Variants in CD99L2 observed in about 807,000 individuals in gnomAD.
CD99L2 encodes the protein CD99 antigen-like protein 2.
In CD99L2, 24 loss-of-function variants were observed where a neutral mutation model predicts 27.3. That is an observed-to-expected ratio of 0.88 (90% confidence interval 0.64 to 1.24). The LOEUF (loss-of-function observed/expected upper bound fraction) is 1.24, where lower values mean the gene tolerates loss of function less well. CD99L2 is among the 50% of genes most tolerant of loss of function. The probability of loss-of-function intolerance (pLI) is 0.00; values close to 1 mark genes in which losing one functional copy is unlikely to be tolerated. For missense variants in CD99L2, 255 were observed against 221.6 expected (o/e 1.15, Z -0.96); for synonymous variants, 97 against 87.9 (o/e 1.10, Z -0.58).
At chrX:150,833,405 G>A (rs782501962) in intron 1 of CD99L2, among the ~76,000 whole-genome samples, 12 of 111,799 alleles carry the variant, frequency 1.1e-4, no homozygotes, top group African/African-American at 3.9e-4. Context: ...CAGATACGAT[G>A]TAATTTTTAT....
chrX:150,850,217 T>C (rs929559247), intron 1 of CD99L2, among the ~76,000 whole-genome samples: 2 of 111,748 alleles, frequency 1.8e-5, no homozygotes, highest in Non-Finnish European at 3.8e-5. Context: ...CCAAAGAAAG[T>C]CTCCTGTATG....
chrX:150,866,667 A>G (rs2047066593), intron 1 of CD99L2, among the ~76,000 whole-genome samples: 1 of 112,605 alleles, frequency 8.9e-6, no homozygotes, highest in African/African-American at 3.2e-5. Flanking sequence ...CTAGTTAACA[A>G]GAATTTATTG....
intron 1 of CD99L2, among the ~76,000 whole-genome samples, chrX:150,843,953 A>C (rs2046660917): frequency 8.9e-6 from 1 of 111,807 alleles, no homozygotes; most frequent in South Asian, 3.7e-4. Context: ...GAGACCATTA[A>C]CAAAAGCAAA....
chrX:150,865,472 TTAGA>T (rs2047046973), intron 1 of CD99L2, among the ~76,000 whole-genome samples: 1 of 111,716 alleles, frequency 9.0e-6, no homozygotes, highest in South Asian at 3.7e-4. Context: ...GACTGACAAA[TTAGA>T]TAGACTACAC....
chrX:150,867,282 C>G (rs782662434), intron 1 of CD99L2, among the ~76,000 whole-genome samples: 1 of 110,682 alleles, frequency 9.0e-6, no homozygotes, highest in Non-Finnish European at 1.9e-5. Flanking sequence ...TGGGGGGACA[C>G]GCCTGTAGTT....
intron 1 of CD99L2, among the ~76,000 whole-genome samples, chrX:150,855,981 G>A (rs2046880457): frequency 9.0e-6 from 1 of 111,593 alleles, no homozygotes; most frequent in Non-Finnish European, 1.9e-5. Flanking sequence ...CAAATTCATG[G>A]GCCTGGCACA....
At chrX:150,887,466 A>AAATAAAT (rs1433362016) in intron 1 of CD99L2, among the ~76,000 whole-genome samples, 1 of 107,023 alleles carries the variant, frequency 9.3e-6, no homozygotes, top group Non-Finnish European at 1.9e-5. Context: ...ATAAATAAAT[A>AAATAAAT]AATAAATAAA....
intron 9 of CD99L2, 152 bp from the exon 10 acceptor site, chrX:150,770,521 A>G (rs2043426612): frequency 2.2e-6 from 1 of 461,567 alleles, no homozygotes; most frequent in East Asian, 3.7e-5. Context: ...CCACCTGAAC[A>G]TCCTTATCCG....
rs1439624331 is a variant in CD99L2 at position 150,881,655 on chromosome X, G to T, written c.67+16867C>A. On this transcript the variant is annotated intron_variant, in intron 1 of 10. Transcript: ENST00000370377. ...ACCAGCCAGCCTTGCTGTATTCTGG[G>T]GTGGTGCCACATTGCAGGAGAAAGT... Among the ~76,000 whole-genome samples, 4 of 111,864 alleles carry T rather than the reference G, an allele frequency of 3.6e-5. No individual in the cohort carries two copies. The Admixed American group carries it at 3.8e-4, about 11-fold the overall frequency.
At chrX:150,819,528 C>G (rs145923057) in intron 2 of CD99L2, among the ~76,000 whole-genome samples, 6,241 of 109,849 alleles carry the variant, frequency 0.057, 149 homozygotes, top group South Asian at 0.14. Context: ...AAGATTATAG[C>G]GGAAATAAAA....
chrX:150,793,804 C>T lies in CD99L2; in HGVS notation c.431-48G>A, dbSNP rs1189025421. On this transcript the variant is annotated intron_variant, in intron 6 of 10. Transcript: ENST00000370377. ...TTCAACAACAAGAAAAAAAAATCAG[C>T]AACAAGAAACTTGTGCTAATGTTGC... 3.9e-6 allele frequency: 4 copies of T among 1,031,920 alleles called. No individual in the cohort carries two copies. The African/African-American group carries it at 7.6e-5, about 20-fold the overall frequency. 85.0% of individuals were successfully genotyped at this position (1,031,920 alleles called of 1,213,427 possible).
chrX:150,884,294 A>G (rs1306016422), intron 1 of CD99L2, among the ~76,000 whole-genome samples: 2 of 112,032 alleles, frequency 1.8e-5, no homozygotes, highest in Admixed American at 1.9e-4. Flanking sequence ...CATCAGGGTG[A>G]TGATACTGCA....
intron 1 of CD99L2, among the ~76,000 whole-genome samples, chrX:150,876,126 AT>A: frequency 8.9e-6 from 1 of 112,099 alleles, no homozygotes; most frequent in African/African-American, 3.2e-5. Context: ...GTGTTTGGCA[AT>A]TAGGAATAAA....
At chrX:150,836,837 T>A (rs952117657) in intron 1 of CD99L2, among the ~76,000 whole-genome samples, 2 of 111,721 alleles carry the variant, frequency 1.8e-5, no homozygotes, top group African/African-American at 6.5e-5. Context: ...TACTGAATAC[T>A]GTAGGCAACT....
At chrX:150,889,926 G>A (rs967203628) in intron 1 of CD99L2, among the ~76,000 whole-genome samples, 1 of 110,986 alleles carries the variant, frequency 9.0e-6, no homozygotes, top group Non-Finnish European at 1.9e-5. Context: ...GCCGAGGCGG[G>A]CGGATCACAA....
intron 1 of CD99L2, among the ~76,000 whole-genome samples, chrX:150,853,252 C>T (rs1261672268): frequency 9.0e-6 from 1 of 111,716 alleles, no homozygotes. Flanking sequence ...AAAGTTTTAC[C>T]CACACATATT....
chrX:150,816,390 A>T (rs2046155766), intron 2 of CD99L2: 3 of 293,964 alleles, frequency 1.0e-5, no homozygotes, highest in Non-Finnish European at 1.8e-5. Context: ...TGGTCCAGGG[A>T]GTTCCACAGC....
At chrX:150,845,501 G>A (rs2046688592) in intron 1 of CD99L2, among the ~76,000 whole-genome samples, 1 of 111,236 alleles carries the variant, frequency 9.0e-6, no homozygotes, top group Non-Finnish European at 1.9e-5. Context: ...TCCACTCTGT[G>A]GGGGAGTGCC....
chrX:150,836,272 G>A (rs1286009845), intron 1 of CD99L2, among the ~76,000 whole-genome samples: 3 of 111,648 alleles, frequency 2.7e-5, no homozygotes, highest in African/African-American at 9.8e-5. Flanking sequence ...GATAAGAGGG[G>A]CAGGCTAAAA....
Sources: gnomAD v4.1 joint callset for allele counts (sites outside exome capture counted in the v4.1 genomes callset) on GRCh38, gnomAD v4.1.1 for gene constraint, MANE v1.5 for transcripts, NCBI Gene and HGNC (gene_info 2026-07-23, HGNC 2026-07-21) for gene names.